The following LACTB2 variants were observed in gnomAD, a reference collection of about 807,000 sequenced individuals.
LACTB2 encodes lactamase beta 2.
Under a neutral mutation model 34.8 loss-of-function variants are expected in LACTB2, and 32 were observed. That is an observed-to-expected ratio of 0.92 (90% CI 0.69 to 1.24). The LOEUF is 1.24. LACTB2 is among the 50% of genes most tolerant of loss of function. The probability of loss-of-function intolerance (pLI) is 0.00; values close to 1 mark genes in which losing one functional copy is unlikely to be tolerated. For synonymous variants in LACTB2, 120 were observed against 117.5 expected (o/e 1.02, Z -0.14); for missense variants, 320 against 345.0 (o/e 0.93, Z 0.57).
chr8:70,656,597 T>C (rs1456801271), intron 3 of LACTB2, among the ~76,000 whole-genome samples: 1 of 152,226 alleles, frequency 6.6e-6, no homozygotes, highest in Admixed American at 6.5e-5. Flanking sequence ...TACAGTATAG[T>C]TTAAAATCAG....
intron 1 of LACTB2, among the ~76,000 whole-genome samples, chr8:70,666,019 C>T (rs1818529879): frequency 6.6e-6 from 1 of 152,134 alleles, no homozygotes; most frequent in African/African-American, 2.4e-5. Flanking sequence ...CATTTGGCTT[C>T]CATGGGCTGA....
At chr8:70,659,906 G>A (rs1322665338) in intron 2 of LACTB2, among the ~76,000 whole-genome samples, 1 of 152,082 alleles carries the variant, frequency 6.6e-6, no homozygotes, top group East Asian at 1.9e-4. Context: ...TATCTTGACT[G>A]GAATGGTCAC....
intron 5 of LACTB2, 56 bp from the exon 6 acceptor site, chr8:70,638,685 G>A: frequency 7.9e-7 from 1 of 1,271,832 alleles, no homozygotes; most frequent in Non-Finnish European, 1.0e-6. Flanking sequence ...AAAGAACACA[G>A]TTAATTTTTT....
intron 1 of LACTB2, among the ~76,000 whole-genome samples, chr8:70,666,124 T>C (rs781447728): frequency 1.3e-5 from 2 of 152,168 alleles, no homozygotes; most frequent in Non-Finnish European, 2.9e-5. Context: ...AGAATGCTCA[T>C]TCATTCAGCA....
At chr8:70,658,397 C>T (rs1261405879) in intron 2 of LACTB2, among the ~76,000 whole-genome samples, 2 of 152,322 alleles carry the variant, frequency 1.3e-5, no homozygotes, top group East Asian at 3.9e-4. Context: ...CCACCCTTCA[C>T]TGACACAAAG....
At chr8:70,644,917 AAT>A (rs900458681) in intron 3 of LACTB2, among the ~76,000 whole-genome samples, 1 of 152,160 alleles carries the variant, frequency 6.6e-6, no homozygotes, top group African/African-American at 2.4e-5. Flanking sequence ...ATTATTACAG[AAT>A]ATATACTTTT....
chr8:70,640,216 C>A (rs551887247), intron 5 of LACTB2, among the ~76,000 whole-genome samples: 1 of 152,178 alleles, frequency 6.6e-6, no homozygotes, highest in Non-Finnish European at 1.5e-5. Flanking sequence ...CCCACTTAGC[C>A]TCCCAAAATA....
At chr8:70,654,928 T>A (rs1177962965) in intron 3 of LACTB2, 2 of 152,192 alleles carry the variant, frequency 1.3e-5, no homozygotes, top group African/African-American at 2.4e-5. Context: ...ACAGGTGGTA[T>A]CTGGTTACAT....
intron 1 of LACTB2, among the ~76,000 whole-genome samples, chr8:70,668,671 G>C (rs1405822794): frequency 6.6e-6 from 1 of 151,096 alleles, no homozygotes; most frequent in Non-Finnish European, 1.5e-5. Context: ...CTTGACATCC[G>C]AATTTTCTCA....
chr8:70,645,340 G>A (rs995693259), intron 3 of LACTB2, among the ~76,000 whole-genome samples: 2 of 152,108 alleles, frequency 1.3e-5, no homozygotes, highest in Non-Finnish European at 2.9e-5. Flanking sequence ...GCTGGCATCA[G>A]TATATACTTT....
intron 2 of LACTB2, chr8:70,660,923 G>A: frequency 2.2e-6 from 1 of 455,362 alleles, no homozygotes; most frequent in Non-Finnish European, 4.4e-6. Context: ...GACTGCAGGT[G>A]CACGCCACCA....
At chr8:70,651,493 A>G (rs891459884) in intron 3 of LACTB2, among the ~76,000 whole-genome samples, 3 of 152,150 alleles carry the variant, frequency 2.0e-5, no homozygotes, top group East Asian at 1.9e-4. Context: ...TTATGAATAC[A>G]TAGAATGCAT....
intron 3 of LACTB2, among the ~76,000 whole-genome samples, chr8:70,651,204 A>G (rs1818338663): frequency 6.6e-6 from 1 of 152,200 alleles, no homozygotes. Context: ...GGAAGCAATT[A>G]TTTTTGAAAG....
intron 1 of LACTB2, among the ~76,000 whole-genome samples, chr8:70,665,704 G>C (rs1818527095): frequency 1.3e-5 from 2 of 152,178 alleles, no homozygotes; most frequent in Admixed American, 1.3e-4. Context: ...CTGAAGCTTA[G>C]AACTGTCTTG....
rs1818394094 is a variant in LACTB2 at position 70,655,139 on chromosome 8, T to A, written c.413+2617A>T. On this transcript the variant is annotated intron_variant, in intron 3 of 6. Transcript: ENST00000276590. ...TCAGTGAGAACAAACAATGTTTGGT[T>A]TTCCATTCCTGAGTTACTTCATTTA... Among the ~76,000 whole-genome samples the A allele has an allele frequency of 2.0e-5, 3 of 152,166 alleles. No individual in the cohort carries two copies. In the South Asian group the frequency reaches 6.2e-4, roughly 31 times the overall value.
chr8:70,642,471 G>A (rs1054582419), intron 4 of LACTB2, among the ~76,000 whole-genome samples: 1 of 151,278 alleles, frequency 6.6e-6, no homozygotes, highest in Non-Finnish European at 1.5e-5. Flanking sequence ...TTTTCCTTTT[G>A]GGCCTTTTTA....
chr8:70,663,047 T>C lies in LACTB2; in HGVS notation c.123-1150A>G, dbSNP rs531239870. 9.7e-4 allele frequency: 147 copies of C among 152,320 alleles called. 1 individual carries two copies. Among genetic ancestry groups the C allele is most frequent in the African/African-American group, 3.3e-3 (137 of 41,568 alleles). The allele number at this position is 152,320 out of a possible 1,614,324, so 9.4% of individuals were successfully genotyped here. On this transcript the variant is annotated intron_variant, in intron 1 of 6. Coordinates refer to ENST00000276590, the MANE Select transcript of LACTB2 (RefSeq NM_016027.3). The stretch of plus-strand genomic sequence containing the variant: ...CTGTTTCACAGTAACACCTCAATAA[T>C]TCAGGCTGGCTGACAGATTAGCCTT...
chr8:70,661,071 C>T, intron 2 of LACTB2: 1 of 454,530 alleles, frequency 2.2e-6, no homozygotes, highest in Non-Finnish European at 4.4e-6. Context: ...TGAGCCACTG[C>T]ACCCAGCCTG....
chr8:70,658,426 A>G (rs192378807), intron 2 of LACTB2, among the ~76,000 whole-genome samples: 24 of 152,334 alleles, frequency 1.6e-4, no homozygotes, highest in Admixed American at 3.3e-4. Flanking sequence ...TTAATTAACC[A>G]ATTAACAATT....
Sources: gnomAD v4.1 joint callset for allele counts (sites outside exome capture counted in the v4.1 genomes callset) on GRCh38, gnomAD v4.1.1 for gene constraint, MANE v1.5 for transcripts, NCBI Gene and HGNC (gene_info 2026-07-23, HGNC 2026-07-21) for gene names.